WDFY2: variants seen among roughly 807,000 people sequenced by gnomAD.
WDFY2 encodes the protein WD repeat and FYVE domain containing 2.
Under a neutral mutation model 56.4 loss-of-function variants are expected in WDFY2, and 36 were observed. The ratio of observed to expected loss-of-function variants is 0.64; its 90% CI spans 0.49 to 0.84. The LOEUF (loss-of-function observed/expected upper bound fraction) is 0.84, where lower values mean the gene tolerates loss of function less well. WDFY2 is among the 40% of genes least tolerant of loss of function. The pLI is 0.00. For synonymous variants in WDFY2, 176 were observed against 183.7 expected, an observed-to-expected ratio of 0.96 and a Z score of 0.34; for missense variants, 444 against 512.2, an observed-to-expected ratio of 0.87 and a Z score of 1.29.
Position 51,756,327 on chromosome 13 carries a change from T to C in WDFY2, c.934-5T>C. 1 of 1,612,734 alleles carries C rather than the reference T, an allele frequency of 6.2e-7. No individual in the cohort carries two copies. On this transcript the variant is annotated splice_region_variant and splice_polypyrimidine_tract_variant and intron_variant, in intron 9 of 11. Transcript: ENST00000298125. Reference sequence around the variant, plus strand: ...ATGAGTATCTATTTTATCTCCCTCCTCCAGCACCACTGCCGCAAGTGTGGG... The same window carrying C: ...ATGAGTATCTATTTTATCTCCCTCCCCCAGCACCACTGCCGCAAGTGTGGG...
At chr13:51,685,059 G>A (rs1956039066) in intron 3 of WDFY2, among the ~76,000 whole-genome samples, 1 of 152,046 alleles carries the variant, frequency 6.6e-6, no homozygotes, top group Non-Finnish European at 1.5e-5. Flanking sequence ...GATATCCATG[G>A]CTGTGTACAT....
At chr13:51,728,290 A>G (rs1378134756) in intron 6 of WDFY2, among the ~76,000 whole-genome samples, 7 of 152,214 alleles carry the variant, frequency 4.6e-5, no homozygotes, top group Non-Finnish European at 7.4e-5. Context: ...TCCTTCCTTC[A>G]TATCCTTTTC....
intron 2 of WDFY2, among the ~76,000 whole-genome samples, chr13:51,673,207 G>A (rs908265543): frequency 7.2e-5 from 11 of 152,226 alleles, no homozygotes; most frequent in African/African-American, 2.7e-4. Context: ...GAAGATTTAA[G>A]AGTAGCCTAT....
In WDFY2 at chr13:51,587,960, C is replaced by G. The variant is rs1225530753; in HGVS notation, c.137+3136C>G. 2.0e-5 allele frequency: 3 copies of G among 152,110 alleles called. No individual in the cohort carries two copies. In the South Asian group the frequency reaches 6.2e-4, roughly 31 times the overall value. The allele number at this position is 152,110 out of a possible 1,614,324, so 9.4% of individuals were successfully genotyped here. On this transcript the variant is annotated intron_variant, in intron 1 of 11. Transcript: ENST00000298125. ...TTAGCAGAGTTCAAACAGCCTTGAA[C>G]TTTACTCAGTATTAATGGAGGAAAT...
chr13:51,750,611 T>C (rs1953210758), intron 7 of WDFY2, among the ~76,000 whole-genome samples: 1 of 151,710 alleles, frequency 6.6e-6, no homozygotes, highest in African/African-American at 2.4e-5. Context: ...CTGTAATCCA[T>C]TGCTAGCAAT....
At chr13:51,686,944 G>A (rs1215583137) in intron 3 of WDFY2, among the ~76,000 whole-genome samples, 1 of 151,356 alleles carries the variant, frequency 6.6e-6, no homozygotes, top group Non-Finnish European at 1.5e-5. Context: ...CCCCAATTGA[G>A]AAATCTAGTT....
chr13:51,654,001 G>A (rs540939892), intron 1 of WDFY2, among the ~76,000 whole-genome samples: 1 of 152,250 alleles, frequency 6.6e-6, no homozygotes, highest in Admixed American at 6.5e-5. Context: ...CCTGCCCCCA[G>A]AGGTGGAGTC....
intron 7 of WDFY2, among the ~76,000 whole-genome samples, chr13:51,745,950 CTTTTCT>C (rs1306519420): frequency 4.4e-4 from 62 of 139,680 alleles, no homozygotes; most frequent in African/African-American, 1.3e-3. Context: ...TTGCACTGGA[CTTTTCT>C]TTTTCTTTTT....
chr13:51,584,636 C>A lies in WDFY2; in HGVS notation c.-52C>A. The A allele has an allele frequency of 6.3e-7, 1 of 1,574,866 alleles. No homozygotes were observed. On this transcript the variant is annotated 5_prime_UTR_variant, in exon 1 of 12. Coordinates refer to ENST00000298125, the MANE Select transcript of WDFY2 (RefSeq NM_052950.4). The stretch of plus-strand genomic sequence containing the variant: ...TCCGTGCTCCAGCAGTCTCCTCAGC[C>A]CGGCCCCGCGGCGCGGTTGGCGGCG...
chr13:51,750,976 C>T (rs1370469789), intron 7 of WDFY2, among the ~76,000 whole-genome samples: 4 of 152,108 alleles, frequency 2.6e-5, no homozygotes, highest in African/African-American at 7.2e-5. Flanking sequence ...GTGAAATGAA[C>T]ATACGCTACA....
At position 51,645,916 on chromosome 13, in the gene WDFY2, C is replaced by G. The variant is rs368762824; in HGVS notation, c.138-14680C>G. On this transcript the variant is annotated intron_variant, in intron 1 of 11. Coordinates refer to ENST00000298125, the MANE Select transcript of WDFY2 (RefSeq NM_052950.4). ...TGCAACAGCCCTAACTGGATTTTCC[C>G]TGCACTCAGGGTGTTCAAGATGAAC... Among the ~76,000 whole-genome samples the G allele has an allele frequency of 7.2e-5, 11 of 152,304 alleles. No individual in the cohort carries two copies. The East Asian group carries it at 2.1e-3, about 29-fold the overall frequency.
intron 3 of WDFY2, among the ~76,000 whole-genome samples, chr13:51,701,180 A>C (rs950206923): frequency 2.0e-5 from 3 of 152,066 alleles, no homozygotes; most frequent in Non-Finnish European, 4.4e-5. Flanking sequence ...TTTAGTGTTT[A>C]TTTTTCTTAC....
chr13:51,758,027 T>A (rs1437717063), intron 10 of WDFY2, among the ~76,000 whole-genome samples, 165 bp from the exon 11 acceptor site: 1 of 151,272 alleles, frequency 6.6e-6, no homozygotes. Flanking sequence ...ATTTTTTTTT[T>A]ATCATAACTG....
chr13:51,758,095 C>A, intron 10 of WDFY2, 97 bp from the exon 11 acceptor site: 1 of 827,918 alleles, frequency 1.2e-6, no homozygotes, highest in Non-Finnish European at 1.8e-6. Context: ...GCAGTTTTAG[C>A]CACGAGGCCA....
intron 3 of WDFY2, among the ~76,000 whole-genome samples, chr13:51,679,841 C>T (rs2138513850): frequency 6.6e-6 from 1 of 152,236 alleles, no homozygotes; most frequent in East Asian, 1.9e-4. Context: ...CATTCCGTGG[C>T]TTGTGAATGT....
chr13:51,757,899 C>G (rs1953448924), intron 10 of WDFY2, among the ~76,000 whole-genome samples: 1 of 151,656 alleles, frequency 6.6e-6, no homozygotes, highest in African/African-American at 2.4e-5. Flanking sequence ...AGCAAAAGCC[C>G]TGTGGTTTTA....
chr13:51,615,964 C>A (rs1255687208), intron 1 of WDFY2, among the ~76,000 whole-genome samples: 1 of 152,152 alleles, frequency 6.6e-6, no homozygotes, highest in African/African-American at 2.4e-5. Flanking sequence ...AAAGAACAGG[C>A]CACATGTGGT....
chr13:51,622,938 G>C (rs1331682566), intron 1 of WDFY2, among the ~76,000 whole-genome samples: 1 of 146,918 alleles, frequency 6.8e-6, no homozygotes, highest in African/African-American at 2.5e-5. Flanking sequence ...GCTCACTGCA[G>C]CCTCCACCTC....
chr13:51,675,480 TG>T (rs1955870845), intron 3 of WDFY2, among the ~76,000 whole-genome samples: 1 of 152,154 alleles, frequency 6.6e-6, no homozygotes, highest in South Asian at 2.1e-4. Context: ...GTGGCTAGAA[TG>T]GGGGCAATCG....
Sources: allele counts gnomAD v4.1 joint callset (sites outside exome capture counted in the v4.1 genomes callset), GRCh38; gene constraint gnomAD v4.1.1; transcripts MANE v1.5; gene names NCBI Gene and HGNC (gene_info 2026-07-23, HGNC 2026-07-21).